Variants in LRP1B observed in about 807,000 individuals in gnomAD.
The protein encoded by LRP1B is LDL receptor related protein 1B.
A neutral mutation model predicts 556.6 loss-of-function variants in LRP1B; 217 were observed. That is an observed-to-expected ratio of 0.39 (90% CI 0.35 to 0.44). LRP1B has a LOEUF of 0.44. Among genes scored for constraint, LRP1B ranks in the 20% least tolerant of loss-of-function variants. LRP1B has a pLI of 1.00. For missense variants in LRP1B, 5,053 were observed against 5,620.8 expected, an observed-to-expected ratio of 0.90 and a Z score of 3.23; for synonymous variants, 2,047 against 1,865.8, an observed-to-expected ratio of 1.10 and a Z score of -2.50.
intron 2 of LRP1B, among the ~76,000 whole-genome samples, chr2:141,690,401 ATATATATATATATATATATATAT>A (rs1691476113): frequency 3.7e-5 from 4 of 107,546 alleles, no homozygotes; most frequent in Non-Finnish European, 3.8e-5. Context: ...CTATAAATAT[ATATATATATATATATATATATAT>A]ATATATATAT....
chr2:141,782,696 AC>A (rs1256377069), intron 2 of LRP1B, among the ~76,000 whole-genome samples: 1 of 151,996 alleles, frequency 6.6e-6, no homozygotes, highest in African/African-American at 2.4e-5. Context: ...ATTACTAAAA[AC>A]AAACATAACA....
intron 2 of LRP1B, among the ~76,000 whole-genome samples, chr2:141,649,019 A>T (rs941528512): frequency 6.6e-6 from 1 of 152,248 alleles, no homozygotes; most frequent in Non-Finnish European, 1.5e-5. Context: ...TAGTTTAGGC[A>T]GATGAAGCCT....
intron 2 of LRP1B, among the ~76,000 whole-genome samples, chr2:141,561,845 A>G (rs950822792): frequency 2.0e-5 from 3 of 151,614 alleles, no homozygotes; most frequent in Non-Finnish European, 4.4e-5. Flanking sequence ...TTCACAATCT[A>G]TATACTGTAA....
chr2:140,368,217 T>G (rs998195081), intron 71 of LRP1B, among the ~76,000 whole-genome samples: 7 of 151,824 alleles, frequency 4.6e-5, no homozygotes, highest in African/African-American at 1.4e-4. Context: ...TTCCTGGTCA[T>G]GTTCTTAATC....
At chr2:140,279,445 GTTTAA>G (rs1210662245) in intron 84 of LRP1B, among the ~76,000 whole-genome samples, 1 of 151,922 alleles carries the variant, frequency 6.6e-6, no homozygotes. Flanking sequence ...AAGAATGCCA[GTTTAA>G]TTTTTCTCTC....
At chr2:141,337,922 C>T (rs72846008) in intron 3 of LRP1B, among the ~76,000 whole-genome samples, 27,321 of 152,086 alleles carry the variant, frequency 0.18, 3,262 homozygotes, top group East Asian at 0.46. Context: ...TATGCTAAAT[C>T]ATCTTGAATT....
At chr2:141,086,618 TTGTGTGTGTGTGTGTGTGTG>T (rs10608029) in intron 7 of LRP1B, among the ~76,000 whole-genome samples, 1 of 148,082 alleles carries the variant, frequency 6.8e-6, no homozygotes, top group African/African-American at 2.5e-5. Flanking sequence ...AGTATAATAT[TTGTGTGTGTGTGTGTGTGTG>T]TGTGTGTGTG....
At position 141,693,788 on chromosome 2, in the gene LRP1B, T is replaced by C. The variant is rs1327358328; in HGVS notation, c.205+116491A>G. On this transcript the variant is annotated intron_variant, in intron 2 of 90. Coordinates refer to ENST00000389484, the MANE Select transcript of LRP1B (RefSeq NM_018557.3). ...CCCCTTCTCAGTCCCCTTGGGGTTTTAGATTCACTCTGCTTTTCCCACATT... is the reference window on the plus strand; with the variant it reads ...CCCCTTCTCAGTCCCCTTGGGGTTTCAGATTCACTCTGCTTTTCCCACATT... Among the ~76,000 whole-genome samples the C allele has an allele frequency of 2.6e-5, 4 of 152,180 alleles. No individual in the cohort carries two copies. In the East Asian group the frequency reaches 7.8e-4, roughly 30 times the overall value.
At chr2:140,399,304 T>C (rs1397349278) in intron 66 of LRP1B, among the ~76,000 whole-genome samples, 1 of 152,196 alleles carries the variant, frequency 6.6e-6, no homozygotes, top group East Asian at 1.9e-4. Flanking sequence ...TAAAATATAC[T>C]TTTAACTTTC....
At chr2:140,242,268 T>C (rs927429062) in intron 87 of LRP1B, among the ~76,000 whole-genome samples, 3 of 151,290 alleles carry the variant, frequency 2.0e-5, no homozygotes, top group East Asian at 3.9e-4. Context: ...AATCAGAAAA[T>C]ACTACATACA....
chr2:142,102,987 A>G (rs1371831636), intron 1 of LRP1B, among the ~76,000 whole-genome samples: 1 of 151,858 alleles, frequency 6.6e-6, no homozygotes, highest in Admixed American at 6.6e-5. Context: ...TTTCTTTCTT[A>G]ATCATGAAGA....
chr2:140,402,731 G>A (rs1558858309), intron 66 of LRP1B, among the ~76,000 whole-genome samples: 1 of 152,104 alleles, frequency 6.6e-6, no homozygotes, highest in South Asian at 2.1e-4. Context: ...CATAAAGGCT[G>A]GGACCTCTGA....
At chr2:140,581,822 A>G (rs1681774665) in intron 43 of LRP1B, among the ~76,000 whole-genome samples, 1 of 152,110 alleles carries the variant, frequency 6.6e-6, no homozygotes, top group Non-Finnish European at 1.5e-5. Context: ...TCACAGGGAT[A>G]TTAAATACCT....
At chr2:140,587,842 C>T (rs977071809) in intron 43 of LRP1B, among the ~76,000 whole-genome samples, 6 of 151,696 alleles carry the variant, frequency 4.0e-5, no homozygotes, top group African/African-American at 1.2e-4. Flanking sequence ...TTAATAGCAG[C>T]GAGGGGGAAA....
Position 140,406,601 on chromosome 2 carries a change from T to C in LRP1B, c.10415-20592A>G, listed in dbSNP as rs570943238. Among the ~76,000 whole-genome samples the C allele has an allele frequency of 5.8e-4, 88 of 151,818 alleles. 1 individual carries two copies. The highest frequency in any genetic ancestry group is 1.8e-3 in the African/African-American group (75 of 41,450). On this transcript the variant is annotated intron_variant, in intron 66 of 90. Coordinates refer to ENST00000389484, the MANE Select transcript of LRP1B (RefSeq NM_018557.3). ...AACCCAACCCTTTTAACAACAGCTG[T>C]AAAAAATAAAATACCTATGAATATA...
chr2:141,635,718 A>G (rs1048835822), intron 2 of LRP1B, among the ~76,000 whole-genome samples: 3 of 152,212 alleles, frequency 2.0e-5, no homozygotes, highest in African/African-American at 7.2e-5. Flanking sequence ...CTTTGAATAT[A>G]TTTTGGCTTA....
At chr2:141,325,437 A>ATTT (rs1281274076) in intron 3 of LRP1B, among the ~76,000 whole-genome samples, 1 of 150,000 alleles carries the variant, frequency 6.7e-6, no homozygotes, top group African/African-American at 2.4e-5. Flanking sequence ...ATAATTTCTC[A>ATTT]AATAAAGTTA....
intron 35 of LRP1B, among the ~76,000 whole-genome samples, chr2:140,726,983 A>T (rs1049495092): frequency 6.6e-6 from 1 of 152,066 alleles, no homozygotes; most frequent in African/African-American, 2.4e-5. Context: ...TGGCTCACAC[A>T]CTCTAGAGAA....
intron 7 of LRP1B, among the ~76,000 whole-genome samples, chr2:141,145,320 T>G (rs1701753582): frequency 6.6e-6 from 1 of 152,198 alleles, no homozygotes; most frequent in African/African-American, 2.4e-5. Flanking sequence ...GAACTTGAGT[T>G]ATACTGTATA....
Sources: gnomAD v4.1 joint callset for allele counts (sites outside exome capture counted in the v4.1 genomes callset) on GRCh38, gnomAD v4.1.1 for gene constraint, MANE v1.5 for transcripts, NCBI Gene and HGNC (gene_info 2026-07-23, HGNC 2026-07-21) for gene names.